CHIA: variants seen among roughly 807,000 people sequenced by gnomAD.
CHIA encodes the protein acidic mammalian chitinase.
A neutral mutation model predicts 53.5 loss-of-function variants in CHIA; 47 were observed. The ratio of observed to expected loss-of-function variants is 0.88; its 90% confidence interval spans 0.70 to 1.12. The LOEUF (loss-of-function observed/expected upper bound fraction) is 1.12. CHIA is among the 50% of genes most tolerant of loss of function. The pLI, the probability that CHIA is intolerant of heterozygous loss-of-function variation, is 0.00. For missense variants in CHIA, 652 were observed against 592.2 expected, an observed-to-expected ratio of 1.10 and a Z score of -1.05; for synonymous variants, 268 against 222.2, an observed-to-expected ratio of 1.21 and a Z score of -1.83.
chr1:111,291,989 A>G, intron 1 of CHIA, among the ~76,000 whole-genome samples: 1 of 152,152 alleles, frequency 6.6e-6, no homozygotes, highest in East Asian at 1.9e-4. Flanking sequence ...GGAACTTAAA[A>G]TAAAATAGAA....
intron 1 of CHIA, among the ~76,000 whole-genome samples, chr1:111,302,538 C>A (rs957543575): frequency 3.3e-5 from 5 of 152,008 alleles, no homozygotes; most frequent in African/African-American, 1.2e-4. Flanking sequence ...GTTTAGTTTC[C>A]ACAAATTGGT....
At chr1:111,312,086 G>C in intron 3 of CHIA, 104 bp from the exon 4 acceptor site, 1 of 845,206 alleles carries the variant, frequency 1.2e-6, no homozygotes. Context: ...ACAGAGATCA[G>C]GCATCTGAGG....
At chr1:111,302,808 C>T (rs1435405010) in intron 1 of CHIA, among the ~76,000 whole-genome samples, 1 of 152,056 alleles carries the variant, frequency 6.6e-6, no homozygotes, top group Non-Finnish European at 1.5e-5. Flanking sequence ...CCTCACTTAT[C>T]TTCCGTGTGG....
intron 1 of CHIA, among the ~76,000 whole-genome samples, chr1:111,308,977 T>C (rs1305222366): frequency 6.6e-6 from 1 of 152,212 alleles, no homozygotes; most frequent in Non-Finnish European, 1.5e-5. Context: ...GATATGATTA[T>C]TTTCACAATT....
chr1:111,290,969 A>G lies in CHIA; in HGVS notation c.-69+19A>G, dbSNP rs1439189314. On this transcript the variant is annotated intron_variant, in intron 1 of 11. Transcript: ENST00000369740. ...TAGTCTGGTGAGTGTAAATATATATATATCTTTTCCCTTCTCCCTTTCCCA... is the reference window on the plus strand; with the variant it reads ...TAGTCTGGTGAGTGTAAATATATATGTATCTTTTCCCTTCTCCCTTTCCCA... The G allele has an allele frequency of 2.3e-6, 1 of 428,358 alleles. No homozygotes were observed. The highest frequency in any genetic ancestry group is 4.7e-6 in the Non-Finnish European group (1 of 215,028). 26.5% of individuals were successfully genotyped at this position (428,358 alleles called of 1,614,324 possible).
At chr1:111,307,006 G>A (rs1315312612) in intron 1 of CHIA, among the ~76,000 whole-genome samples, 6 of 152,176 alleles carry the variant, frequency 3.9e-5, no homozygotes, top group African/African-American at 1.4e-4. Flanking sequence ...TGTTGGTAGT[G>A]TAAATTGATA....
At chr1:111,304,007 A>G (rs1056632292) in intron 1 of CHIA, among the ~76,000 whole-genome samples, 13 of 152,176 alleles carry the variant, frequency 8.5e-5, no homozygotes, top group Non-Finnish European at 1.9e-4. Flanking sequence ...TTTTGCCAGA[A>G]AAAAGATTTT....
At chr1:111,293,901 A>G (rs1273309699) in intron 1 of CHIA, among the ~76,000 whole-genome samples, 3 of 152,156 alleles carry the variant, frequency 2.0e-5, no homozygotes, top group African/African-American at 4.8e-5. Flanking sequence ...GCAACATGGC[A>G]AAACCCTGTT....
chr1:111,315,337 C>A lies in CHIA; in HGVS notation c.382C>A (p.Arg128Ser), dbSNP rs779934714. The A allele has an allele frequency of 6.2e-7, 1 of 1,613,690 alleles. No homozygotes were observed. The highest frequency in any genetic ancestry group is 8.5e-7 in the Non-Finnish European group (1 of 1,179,860). Residue 128 changes from arginine to serine, a missense_variant, in exon 6 of 12, where the codon CGC (arginine) becomes AGC (serine). By Grantham distance (110) the Arg-to-Ser change is moderately radical (BLOSUM62 -1). Transcript: ENST00000369740. ...TFITSVIKFLRQYEFDGLDFD... is the reference protein window; with the variant it reads ...TFITSVIKFLSQYEFDGLDFD... ...CATCACCTCAGTCATCAAATTCCTG[C>A]GCCAGTATGAGTTTGACGGGCTGGA...
Position 111,291,295 on chromosome 1 carries a change from A to T in CHIA, c.-69+345A>T, listed in dbSNP as rs112405795. On this transcript the variant is annotated intron_variant, in intron 1 of 11. Transcript: ENST00000369740. ...ATCAATGATAGACTGGATAAAGAAA[A>T]TGTGGTACATATACATCACGGAATA... is the stretch of plus-strand genomic sequence containing the variant. Among the ~76,000 whole-genome samples the T allele has an allele frequency of 6.4e-3, 971 of 152,316 alleles. 13 individuals carry two copies. The highest frequency in any genetic ancestry group is 0.022 in the African/African-American group (897 of 41,564).
At chr1:111,303,656 A>G (rs1324968834) in intron 1 of CHIA, among the ~76,000 whole-genome samples, 2 of 152,100 alleles carry the variant, frequency 1.3e-5, no homozygotes, top group Non-Finnish European at 1.5e-5. Flanking sequence ...TACCCCTTTC[A>G]GTTGTTGATG....
intron 4 of CHIA, among the ~76,000 whole-genome samples, chr1:111,313,713 C>T (rs1458082245): frequency 6.6e-6 from 1 of 152,048 alleles, no homozygotes; most frequent in Non-Finnish European, 1.5e-5. Flanking sequence ...CCAAAAAATT[C>T]TTGCTGTAGC....
chr1:111,297,935 GT>G (rs1647336401), intron 1 of CHIA, among the ~76,000 whole-genome samples: 1 of 143,064 alleles, frequency 7.0e-6, no homozygotes, highest in Admixed American at 7.0e-5. Flanking sequence ...ACAAGCAGGG[GT>G]TGTAATCCTA....
intron 4 of CHIA, among the ~76,000 whole-genome samples, chr1:111,312,635 T>G (rs1375937518): frequency 6.6e-6 from 1 of 152,194 alleles, no homozygotes; most frequent in African/African-American, 2.4e-5. Context: ...CACAAATACT[T>G]AATGTTTTTT....
intron 1 of CHIA, among the ~76,000 whole-genome samples, chr1:111,301,078 C>A (rs569179308): frequency 6.6e-6 from 1 of 152,250 alleles, no homozygotes; most frequent in African/African-American, 2.4e-5. Flanking sequence ...AGTCAGGAAA[C>A]AACAGATGCT....
In CHIA at chr1:111,303,061, T is replaced by C. The variant is rs76378491; in HGVS notation, c.-68-7339T>C. Among the ~76,000 whole-genome samples the C allele has an allele frequency of 2.4e-3, 364 of 152,266 alleles. 2 individuals carry two copies. The highest frequency in any genetic ancestry group is 8.2e-3 in the African/African-American group (342 of 41,578). ...TATAATCTATTTTGTCTGTTACTAA[T>C]ATAGCAACTCCTGCTCTCGTTTGGT... On this transcript the variant is annotated intron_variant, in intron 1 of 11. Coordinates refer to ENST00000369740, the MANE Select transcript of CHIA (RefSeq NM_201653.4).
At chr1:111,308,568 G>T (rs540904977) in intron 1 of CHIA, among the ~76,000 whole-genome samples, 2 of 152,062 alleles carry the variant, frequency 1.3e-5, no homozygotes, top group African/African-American at 4.8e-5. Context: ...TAGTCACTCA[G>T]CTTTACTTTT....
In CHIA at chr1:111,315,527, G is replaced by A. The variant is rs1032230683; in HGVS notation, c.480+92G>A. 4.7e-6 allele frequency: 6 copies of A among 1,289,598 alleles called. No homozygotes were observed. The African/African-American group carries it at 9.0e-5, about 19-fold the overall frequency. 79.9% of individuals were successfully genotyped at this position (1,289,598 alleles called of 1,614,324 possible). On this transcript the variant is annotated intron_variant, in intron 6 of 11. Transcript: ENST00000369740. Reference sequence around the variant, plus strand: ...GTGGCTCTAGGGTAAAACAAAACTTGAATTTAAACTGATAGAATATTAGCA... The same window carrying A: ...GTGGCTCTAGGGTAAAACAAAACTTAAATTTAAACTGATAGAATATTAGCA...
At chr1:111,299,809 C>T (rs1367301989) in intron 1 of CHIA, among the ~76,000 whole-genome samples, 1 of 152,210 alleles carries the variant, frequency 6.6e-6, no homozygotes, top group Non-Finnish European at 1.5e-5. Flanking sequence ...TTGCAAATGA[C>T]ATGATTGTAT....
Sources: gnomAD v4.1 joint callset for allele counts (sites outside exome capture counted in the v4.1 genomes callset) on GRCh38, gnomAD v4.1.1 for gene constraint, MANE v1.5 for transcripts, NCBI Gene and HGNC (gene_info 2026-07-23, HGNC 2026-07-21) for gene names.